WARS2: variants seen among roughly 807,000 people sequenced by gnomAD.
The protein encoded by WARS2 is tryptophan--tRNA ligase, mitochondrial.
Under a neutral mutation model 36.5 loss-of-function variants are expected in WARS2, and 28 were observed. The observed-to-expected ratio is 0.77, with a 90% confidence interval of 0.57 to 1.05. The LOEUF is 1.05. WARS2 is among the 50% of genes least tolerant of loss of function. The pLI is 0.00. For missense variants in WARS2, 435 were observed against 456.8 expected (o/e 0.95, Z 0.44); for synonymous variants, 174 against 178.4 (o/e 0.98, Z 0.20).
chr1:119,117,785 G>A (rs1288029759), intron 1 of WARS2, among the ~76,000 whole-genome samples: 1 of 152,262 alleles, frequency 6.6e-6, no homozygotes, highest in East Asian at 1.9e-4. Flanking sequence ...GCACTAGCCT[G>A]GATCCTGGTA....
chr1:119,100,447 C>T (rs377520192), intron 1 of WARS2, among the ~76,000 whole-genome samples: 2 of 152,062 alleles, frequency 1.3e-5, no homozygotes, highest in African/African-American at 2.4e-5. Flanking sequence ...TGGGTATCTG[C>T]CCAAAGAAAA....
intron 1 of WARS2, among the ~76,000 whole-genome samples, chr1:119,077,503 T>C (rs1165312772): frequency 6.6e-6 from 1 of 152,186 alleles, no homozygotes; most frequent in Non-Finnish European, 1.5e-5. Context: ...ATTTGGTGTA[T>C]GAGATCTTGG....
intron 1 of WARS2, among the ~76,000 whole-genome samples, chr1:119,089,559 T>C (rs1557973085): frequency 1.3e-5 from 2 of 152,118 alleles, no homozygotes; most frequent in Non-Finnish European, 2.9e-5. Flanking sequence ...CAGAGGGTGG[T>C]TCGGAGGACT....
intron 1 of WARS2, among the ~76,000 whole-genome samples, chr1:119,106,795 A>G (rs1479662783): frequency 6.6e-6 from 1 of 152,200 alleles, no homozygotes; most frequent in Non-Finnish European, 1.5e-5. Flanking sequence ...TTTTTGGAAC[A>G]TAGTTTTCAA....
intron 2 of WARS2, among the ~76,000 whole-genome samples, chr1:119,070,322 C>T (rs978994750): frequency 9.2e-5 from 14 of 151,966 alleles, no homozygotes; most frequent in Admixed American, 8.5e-4. Flanking sequence ...AGTGCAGGGG[C>T]GTGGTCTCTG....
chr1:119,070,565 C>A (rs762786287), intron 2 of WARS2, among the ~76,000 whole-genome samples: 10 of 150,146 alleles, frequency 6.7e-5, no homozygotes, highest in African/African-American at 9.8e-5. Context: ...CCATGTCCAG[C>A]CAGCCTTACA....
At chr1:119,094,314 C>T (rs1653261653) in intron 1 of WARS2, among the ~76,000 whole-genome samples, 1 of 152,024 alleles carries the variant, frequency 6.6e-6, no homozygotes, top group Admixed American at 6.6e-5. Context: ...CCAGATGAAG[C>T]AGTATGGATG....
rs1651739251 is a variant in WARS2 at position 119,076,458 on chromosome 1, A to G, written c.240T>C (p.Thr80=). The change falls in exon 2 of 6, where the codon ACT becomes ACC. Residue 80 remains threonine, a synonymous_variant. Coordinates refer to ENST00000235521, the MANE Select transcript of WARS2 (RefSeq NM_015836.4). The part of the protein sequence containing the change: ...LYSIVDLHSI[T]VPQDPAVLRQ... The stretch of plus-strand genomic sequence containing the variant: ...GAAGGACAGCTGGGTCTTGGGGGAC[A>G]GTAATGGAGTGGAGGTCAACAATGC... 1 of 1,614,072 alleles carries G rather than the reference A, an allele frequency of 6.2e-7. No individual in the cohort carries two copies. The highest frequency in any genetic ancestry group is 8.5e-7 in the Non-Finnish European group (1 of 1,180,026).
At chr1:119,037,251 ATCT>A (rs1217126046) in intron 4 of WARS2, among the ~76,000 whole-genome samples, 5 of 151,972 alleles carry the variant, frequency 3.3e-5, no homozygotes, top group Admixed American at 6.6e-5. Flanking sequence ...AATGCCTCTG[ATCT>A]TCTCCTTTGG....
intron 1 of WARS2, among the ~76,000 whole-genome samples, chr1:119,135,711 T>C (rs76991264): frequency 0.018 from 2,176 of 123,148 alleles, 58 homozygotes; most frequent in African/African-American, 0.061. Flanking sequence ...ATAGATTAGA[T>C]AGACAGATAG....
At chr1:119,111,801 C>T (rs998028045) in intron 1 of WARS2, among the ~76,000 whole-genome samples, 6 of 152,124 alleles carry the variant, frequency 3.9e-5, no homozygotes. Context: ...GGTTTTTATA[C>T]CAGTACATTG....
intron 2 of WARS2, among the ~76,000 whole-genome samples, chr1:119,055,823 T>C (rs1649740916): frequency 6.6e-6 from 1 of 151,892 alleles, no homozygotes; most frequent in African/African-American, 2.4e-5. Flanking sequence ...TCAAAAGTTA[T>C]GGATTGGAGG....
chr1:119,066,434 T>C (rs752389443), intron 2 of WARS2, among the ~76,000 whole-genome samples: 58 of 134,520 alleles, frequency 4.3e-4, no homozygotes, highest in South Asian at 9.1e-4. Flanking sequence ...GCTGAGATCA[T>C]GCCATTGCAC....
At chr1:119,117,825 C>T (rs773818098) in intron 1 of WARS2, among the ~76,000 whole-genome samples, 1 of 152,104 alleles carries the variant, frequency 6.6e-6, no homozygotes, top group Admixed American at 6.5e-5. Context: ...CCCAGAAAAG[C>T]AATAACAATA....
intron 1 of WARS2, 45 bp from the exon 2 acceptor site, chr1:119,076,652 C>A (rs1651755903): frequency 6.2e-7 from 1 of 1,607,340 alleles, no homozygotes. Flanking sequence ...AGGCAGAATC[C>A]CATGAATCCT....
At chr1:119,040,184 T>C (rs1648230932) in intron 4 of WARS2, among the ~76,000 whole-genome samples, 1 of 152,202 alleles carries the variant, frequency 6.6e-6, no homozygotes, top group African/African-American at 2.4e-5. Context: ...GCAGAAAAAG[T>C]GCTGTAGACC....
chr1:119,082,066 T>C (rs1374432020), intron 1 of WARS2, among the ~76,000 whole-genome samples: 2 of 152,114 alleles, frequency 1.3e-5, no homozygotes, highest in Non-Finnish European at 2.9e-5. Flanking sequence ...AAGAAGGTCC[T>C]ACATCACCTC....
chr1:119,103,064 A>G (rs930089305), intron 1 of WARS2, among the ~76,000 whole-genome samples: 6 of 152,214 alleles, frequency 3.9e-5, no homozygotes, highest in Non-Finnish European at 8.8e-5. Context: ...ATATTCACGG[A>G]AAAGAGAACA....
intron 5 of WARS2, among the ~76,000 whole-genome samples, 171 bp downstream of exon 5, chr1:119,033,924 G>A (rs1308418110): frequency 4.6e-5 from 7 of 152,038 alleles, no homozygotes; most frequent in African/African-American, 1.7e-4. Flanking sequence ...ATCCAACGTA[G>A]TCTACTTTCT....
Sources: allele counts gnomAD v4.1 joint callset (sites outside exome capture counted in the v4.1 genomes callset), GRCh38; gene constraint gnomAD v4.1.1; transcripts MANE v1.5; gene names NCBI Gene and HGNC (gene_info 2026-07-23, HGNC 2026-07-21).